The following MALRD1 variants were observed in gnomAD, a reference collection of about 807,000 sequenced individuals.
The protein encoded by MALRD1 is MAM and LDL-receptor class A domain-containing protein 1.
MALRD1 carries 247 observed loss-of-function variants against 242.1 expected under a neutral mutation model. The observed-to-expected ratio is 1.02, with a 90% CI of 0.92 to 1.13. The LOEUF (loss-of-function observed/expected upper bound fraction) is 1.13. Among genes scored for constraint, MALRD1 ranks in the 50% most tolerant of loss-of-function variants. The pLI is 0.00. For missense variants in MALRD1, 2,989 were observed against 2,533.1 expected (o/e 1.18, Z -3.86); for synonymous variants, 995 against 866.6 (o/e 1.15, Z -2.60).
chr10:19,429,124 G>A (rs1403240288), intron 28 of MALRD1, among the ~76,000 whole-genome samples: 1 of 152,166 alleles, frequency 6.6e-6, no homozygotes, highest in East Asian at 1.9e-4. Context: ...AAACACACTT[G>A]ACGACAAAGG....
intron 10 of MALRD1, among the ~76,000 whole-genome samples, chr10:19,140,218 T>C (rs966550778): frequency 6.6e-6 from 1 of 152,200 alleles, no homozygotes. Flanking sequence ...TAAAATATTT[T>C]GCTTTTCATG....
intron 24 of MALRD1, among the ~76,000 whole-genome samples, chr10:19,338,322 CT>C (rs1334173612): frequency 2.0e-5 from 3 of 152,120 alleles, no homozygotes; most frequent in Admixed American, 2.0e-4. Context: ...CTATGCTCCG[CT>C]TGTTTATTCC....
chr10:19,209,358 C>A lies in MALRD1; in HGVS notation c.2669C>A (p.Pro890Gln). The A allele has an allele frequency of 6.4e-7, 1 of 1,550,790 alleles. No individual in the cohort carries two copies. Among genetic ancestry groups the A allele is most frequent in the Non-Finnish European group, 8.7e-7 (1 of 1,147,036 alleles). The change falls in exon 18 of 40, where the codon CCA becomes CAA. Residue 890 changes from proline to glutamine, a missense_variant. Pro to Gln is a moderately conservative substitution (Grantham distance 76). Coordinates refer to ENST00000454679, the MANE Select transcript of MALRD1 (RefSeq NM_001142308.3). ...TTTGATTGGACCAGGAGCCAGGGTC[C>A]AACTCCAACACTTAACACAGGGCCA... is the stretch of plus-strand genomic sequence containing the variant. ...DDFDWTRSQG[P>Q]TPTLNTGPMK...
chr10:19,257,445 C>T (rs1355135854), intron 18 of MALRD1, among the ~76,000 whole-genome samples: 1 of 152,038 alleles, frequency 6.6e-6, no homozygotes, highest in Non-Finnish European at 1.5e-5. Flanking sequence ...AATGGAAACT[C>T]ATAAGAAATG....
At chr10:19,696,877 C>A (rs565803653) in intron 38 of MALRD1, among the ~76,000 whole-genome samples, 1 of 152,006 alleles carries the variant, frequency 6.6e-6, no homozygotes, top group Admixed American at 6.5e-5. Context: ...GGTCACGCCA[C>A]CACACTCCAA....
chr10:19,070,536 T>A (rs1835111967), intron 2 of MALRD1, among the ~76,000 whole-genome samples: 1 of 152,114 alleles, frequency 6.6e-6, no homozygotes, highest in African/African-American at 2.4e-5. Context: ...TAATAGGTTG[T>A]TTTAGTTTAA....
At chr10:19,567,397 T>G in intron 32 of MALRD1, 105 bp from the exon 33 acceptor site, 28 of 934,800 alleles carry the variant, frequency 3.0e-5, no homozygotes, top group Non-Finnish European at 4.4e-5. Context: ...GTCAATGTAT[T>G]GAGCTGTTAC....
At chr10:19,510,947 C>T (rs118005949) in intron 31 of MALRD1, among the ~76,000 whole-genome samples, 1,875 of 152,294 alleles carry the variant, frequency 0.012, 27 homozygotes, top group East Asian at 0.056. Flanking sequence ...CTACTGTAGA[C>T]ACTCCCCGCT....
chr10:19,277,793 C>A (rs1793137657), intron 19 of MALRD1, among the ~76,000 whole-genome samples: 1 of 152,186 alleles, frequency 6.6e-6, no homozygotes, highest in Non-Finnish European at 1.5e-5. Flanking sequence ...ATTGGACTTT[C>A]CCCAGATTCC....
intron 21 of MALRD1, among the ~76,000 whole-genome samples, chr10:19,283,876 G>C (rs1394824343): frequency 6.6e-6 from 1 of 152,190 alleles, no homozygotes; most frequent in Non-Finnish European, 1.5e-5. Flanking sequence ...GAACGCTGCG[G>C]TAGGCACTAG....
At chr10:19,354,040 TA>T (rs920682628) in intron 26 of MALRD1, among the ~76,000 whole-genome samples, 11 of 148,018 alleles carry the variant, frequency 7.4e-5, no homozygotes, top group Non-Finnish European at 1.1e-4. Context: ...GAAGCAACAT[TA>T]AAAAAAAAAG....
chr10:19,309,335 T>A (rs1842337625), intron 21 of MALRD1, among the ~76,000 whole-genome samples: 1 of 151,512 alleles, frequency 6.6e-6, no homozygotes, highest in Non-Finnish European at 1.5e-5. Context: ...TCTTTTATTT[T>A]CTCTGCTTAC....
chr10:19,696,459 T>C (rs1242655805), intron 38 of MALRD1, among the ~76,000 whole-genome samples: 1 of 152,188 alleles, frequency 6.6e-6, no homozygotes, highest in Non-Finnish European at 1.5e-5. Flanking sequence ...TTTTCCTTGA[T>C]GTCAAATTAT....
At chr10:19,388,785 A>C (rs572679266) in intron 27 of MALRD1, among the ~76,000 whole-genome samples, 2 of 150,882 alleles carry the variant, frequency 1.3e-5, no homozygotes, top group African/African-American at 4.9e-5. Context: ...TGGTGAAGGA[A>C]TAAAGGGCAG....
intron 32 of MALRD1, among the ~76,000 whole-genome samples, chr10:19,560,193 G>A (rs1416382364): frequency 6.6e-6 from 1 of 152,248 alleles, no homozygotes; most frequent in Non-Finnish European, 1.5e-5. Context: ...GCATGGCCGG[G>A]TGTGGTGGCT....
chr10:19,636,524 A>G (rs1319881036), intron 36 of MALRD1, among the ~76,000 whole-genome samples: 8 of 152,174 alleles, frequency 5.3e-5, no homozygotes, highest in Non-Finnish European at 7.3e-5. Context: ...AATACACAAA[A>G]CACAGCCTCA....
At chr10:19,592,552 C>G (rs967348686) in intron 33 of MALRD1, among the ~76,000 whole-genome samples, 1 of 152,112 alleles carries the variant, frequency 6.6e-6, no homozygotes, top group Non-Finnish European at 1.5e-5. Context: ...CTGGGCAGTA[C>G]AAGCCAGTAT....
intron 31 of MALRD1, among the ~76,000 whole-genome samples, chr10:19,522,679 A>T (rs1331844795): frequency 1.3e-5 from 2 of 152,096 alleles, no homozygotes; most frequent in Non-Finnish European, 2.9e-5. Context: ...TGCTCCCAAT[A>T]ATCCAAATGA....
chr10:19,327,577 A>G lies in MALRD1; in HGVS notation c.3591A>G (p.Lys1197=). The stretch of plus-strand genomic sequence containing the variant: ...TATCTCTATAGGTGCTCATCAAGAA[A>G]GATAACGTTACTTCTAAATTGTGGG... ...TVGSLQVLIK[K]DNVTSKLWAQ... is the part of the protein sequence containing the mutation. Residue 1197 remains lysine, a synonymous_variant, in exon 23 of 40, where the codon AAA becomes AAG. Transcript: ENST00000454679. 1.3e-6 allele frequency: 2 copies of G among 1,549,748 alleles called. No individual in the cohort carries two copies. The highest frequency in any genetic ancestry group is 1.7e-6 in the Non-Finnish European group (2 of 1,146,204).
Sources: allele counts gnomAD v4.1 joint callset (sites outside exome capture counted in the v4.1 genomes callset), GRCh38; gene constraint gnomAD v4.1.1; transcripts MANE v1.5; gene names NCBI Gene and HGNC (gene_info 2026-07-23, HGNC 2026-07-21).